Variants in TIPIN observed in about 807,000 individuals in gnomAD.
TIPIN encodes the protein TIMELESS interacting protein.
TIPIN carries 29 observed loss-of-function variants against 35.6 expected under a neutral mutation model. The observed-to-expected ratio is 0.82, with a 90% CI of 0.61 to 1.11. TIPIN has a LOEUF of 1.11. TIPIN is among the 50% of genes most tolerant of loss of function. The pLI, the probability that TIPIN is intolerant of heterozygous loss-of-function variation, is 0.00. For missense variants in TIPIN, 296 were observed against 345.4 expected (o/e 0.86, Z 1.13); for synonymous variants, 102 against 121.5 (o/e 0.84, Z 1.06).
In TIPIN at chr15:66,351,586, C is replaced by T. The variant is rs758385810; in HGVS notation, c.227G>A (p.Arg76Lys). Reference sequence around the variant, plus strand: ...TACATGCCTTAAGGCTGGAAGTCCTCTCTCTGAAATTAATCTGTGAATAAA... The same window carrying T: ...TACATGCCTTAAGGCTGGAAGTCCTTTCTCTGAAATTAATCTGTGAATAAA... ...KLDAQRLISERGLPALRHVFD... is the reference protein window; with the variant it reads ...KLDAQRLISEKGLPALRHVFD... Residue 76 changes from arginine (R) to lysine (K), a missense_variant, in exon 4 of 8, where the codon AGA becomes AAA. Physicochemically the swap from Arg to Lys is conservative, Grantham distance 26. Coordinates refer to ENST00000261881, the MANE Select transcript of TIPIN (RefSeq NM_017858.3). The T allele has an allele frequency of 6.2e-7, 1 of 1,611,380 alleles. No individual in the cohort carries two copies. Among genetic ancestry groups the T allele is most frequent in the Non-Finnish European group, 8.5e-7 (1 of 1,178,560 alleles).
chr15:66,336,936 T>TA lies in TIPIN; in HGVS notation c.*21dup. ...GCTTGCAGGACGATGACTTAACAGA[T>TA]ACATTTTCTCTTAATGGAAACTTAT... On this transcript the variant is annotated 3_prime_UTR_variant, in exon 8 of 8. Coordinates refer to ENST00000261881, the MANE Select transcript of TIPIN (RefSeq NM_017858.3). 1.3e-6 allele frequency: 2 copies of TA among 1,598,526 alleles called. No homozygotes were observed. The highest frequency in any genetic ancestry group is 1.7e-6 in the Non-Finnish European group (2 of 1,168,344).
chr15:66,337,102 T>C lies in TIPIN; in HGVS notation c.762A>G (p.Gly254=). The C allele has an allele frequency of 6.2e-7, 1 of 1,614,122 alleles. No individual in the cohort carries two copies. The highest frequency in any genetic ancestry group is 2.2e-5 in the East Asian group (1 of 44,864). ...TDEDQKEESN[G]LNEDILDNPC... is the part of the protein sequence containing the mutation. ...GATTGTCCAGAATGTCTTCGTTTAA[T>C]CCATTTGACTCCTCCTTTTGATCCT... The change falls in exon 8 of 8, where the codon GGA becomes GGG. Residue 254 remains glycine, a synonymous_variant. Transcript: ENST00000261881.
At chr15:66,351,413 G>C in intron 4 of TIPIN, 112 bp downstream of exon 4, 1 of 773,482 alleles carries the variant, frequency 1.3e-6, no homozygotes, top group Non-Finnish European at 2.2e-6. Flanking sequence ...CAAGACATAC[G>C]ACGACTAAGG....
At chr15:66,369,753 C>A (rs772248992) in intron 1 of TIPIN, among the ~76,000 whole-genome samples, 2 of 152,172 alleles carry the variant, frequency 1.3e-5, no homozygotes, top group Non-Finnish European at 2.9e-5. Flanking sequence ...TATAATTTGA[C>A]CTGCCCCTGA....
At chr15:66,374,504 G>A (rs1238797836) in intron 1 of TIPIN, among the ~76,000 whole-genome samples, 3 of 152,014 alleles carry the variant, frequency 2.0e-5, no homozygotes, top group Non-Finnish European at 4.4e-5. Flanking sequence ...CTGCTTCCCA[G>A]GTTCAAGTGA....
chr15:66,351,150 C>G (rs1361854399), intron 4 of TIPIN, among the ~76,000 whole-genome samples: 1 of 152,026 alleles, frequency 6.6e-6, no homozygotes, highest in African/African-American at 2.4e-5. Context: ...TATTATGAAC[C>G]AGGCACTGTG....
Position 66,336,702 on chromosome 15 carries a change from A to G in TIPIN, c.*256T>C. On this transcript the variant is annotated 3_prime_UTR_variant, in exon 8 of 8. Transcript: ENST00000261881. Reference sequence around the variant, plus strand: ...AAAACAAGGCATTCAATGACAGACCAGCAGCAGAAACTGCTTATTACCTCC... The same window carrying G: ...AAAACAAGGCATTCAATGACAGACCGGCAGCAGAAACTGCTTATTACCTCC... The G allele has an allele frequency of 4.8e-6, 2 of 415,742 alleles. No individual in the cohort carries two copies. Among genetic ancestry groups the G allele is most frequent in the Non-Finnish European group, 8.8e-6 (2 of 226,966 alleles). The allele number at this position is 415,742 out of a possible 1,614,324, so 25.8% of individuals were successfully genotyped here.
chr15:66,349,492 C>G, intron 4 of TIPIN, 55 bp from the exon 5 acceptor site: 1 of 1,565,176 alleles, frequency 6.4e-7, no homozygotes. Context: ...CAGCTGACCC[C>G]GTCAGCAACT....
intron 1 of TIPIN, among the ~76,000 whole-genome samples, chr15:66,354,377 T>A (rs1032171196): frequency 6.6e-6 from 1 of 152,188 alleles, no homozygotes; most frequent in Non-Finnish European, 1.5e-5. Flanking sequence ...CCTTCCCCTA[T>A]CCCACAGATC....
intron 6 of TIPIN, among the ~76,000 whole-genome samples, chr15:66,344,261 C>G (rs749063273): frequency 4.1e-4 from 63 of 151,876 alleles, no homozygotes; most frequent in Non-Finnish European, 8.8e-5. Flanking sequence ...ACTCTGGTCC[C>G]TAACTCCTGG....
chr15:66,358,268 A>C (rs1407281444), upstream of TIPIN, among the ~76,000 whole-genome samples: 1 of 152,196 alleles, frequency 6.6e-6, no homozygotes, highest in Admixed American at 6.6e-5. Flanking sequence ...ATGGGAACTT[A>C]ACTATAATTT....
At chr15:66,379,999 T>TTC in intron 1 of TIPIN, 1 of 309,182 alleles carries the variant, frequency 3.2e-6, no homozygotes, top group Non-Finnish European at 5.5e-6. Context: ...TCTTTCTTTC[T>TTC]TTCTTTTTTT....
intron 4 of TIPIN, among the ~76,000 whole-genome samples, chr15:66,351,170 G>C (rs555241664): frequency 2.0e-5 from 3 of 152,186 alleles, no homozygotes; most frequent in Admixed American, 1.3e-4. Context: ...GCCACATCTT[G>C]GGGACACATA....
chr15:66,386,247 G>A (rs952606132), intron 1 of TIPIN, among the ~76,000 whole-genome samples: 2 of 151,354 alleles, frequency 1.3e-5, no homozygotes, highest in Middle Eastern at 3.4e-3. Context: ...AGCGGAGATC[G>A]CGCCACTACA....
intron 1 of TIPIN, among the ~76,000 whole-genome samples, chr15:66,384,247 T>G (rs1487178806): frequency 6.6e-6 from 1 of 151,662 alleles, no homozygotes; most frequent in Non-Finnish European, 1.5e-5. Context: ...TCTGCCCACC[T>G]CAGCCTCCCA....
At chr15:66,381,279 T>C (rs1040657069) in intron 1 of TIPIN, among the ~76,000 whole-genome samples, 9 of 151,906 alleles carry the variant, frequency 5.9e-5, no homozygotes, top group Admixed American at 3.9e-4. Flanking sequence ...CTACTAAAAA[T>C]ACAAAAAAAT....
At chr15:66,376,997 A>G (rs8042604) in intron 1 of TIPIN, among the ~76,000 whole-genome samples, 15,427 of 150,178 alleles carry the variant, frequency 0.1, 827 homozygotes, top group African/African-American at 0.14. Context: ...AATACCAGTT[A>G]CTCAGAAGGC....
intron 6 of TIPIN, among the ~76,000 whole-genome samples, chr15:66,342,209 G>T (rs779585121): frequency 0.018 from 1,901 of 105,206 alleles, 13 homozygotes; most frequent in Non-Finnish European, 0.025. Context: ...AAAAAAAAAA[G>T]AAAGAAACAA....
intron 6 of TIPIN, among the ~76,000 whole-genome samples, chr15:66,342,599 G>A (rs994599595): frequency 1.2e-4 from 18 of 152,214 alleles, no homozygotes; most frequent in Admixed American, 7.2e-4. Context: ...CCTGACCTGA[G>A]GTGATCCACA....
Sources: gnomAD v4.1 joint callset for allele counts (sites outside exome capture counted in the v4.1 genomes callset) on GRCh38, gnomAD v4.1.1 for gene constraint, MANE v1.5 for transcripts, NCBI Gene and HGNC (gene_info 2026-07-23, HGNC 2026-07-21) for gene names.